EDNRB: variants seen among roughly 807,000 people sequenced by gnomAD.
EDNRB encodes the protein Hirschsprung disease 2.
Under a neutral mutation model 46.4 loss-of-function variants are expected in EDNRB, and 18 were observed. That is an observed-to-expected ratio of 0.39 (90% CI 0.27 to 0.57). EDNRB has a LOEUF of 0.57. EDNRB is among the 20% of genes least tolerant of loss of function. The probability of loss-of-function intolerance (pLI) is 0.61; values close to 1 mark genes in which losing one functional copy is unlikely to be tolerated. For missense variants in EDNRB, 434 were observed against 537.5 expected, an observed-to-expected ratio of 0.81 and a Z score of 1.90; for synonymous variants, 213 against 204.9, an observed-to-expected ratio of 1.04 and a Z score of -0.34.
intron 1 of EDNRB, among the ~76,000 whole-genome samples, chr13:77,953,473 A>G (rs1179917836): frequency 6.6e-6 from 1 of 152,134 alleles, no homozygotes; most frequent in Admixed American, 6.6e-5. Flanking sequence ...ATTGGAATGC[A>G]TGAAGAGAGA....
chr13:77,924,455 A>C (rs565031991), upstream of EDNRB, among the ~76,000 whole-genome samples: 95 of 152,336 alleles, frequency 6.2e-4, 2 homozygotes, highest in African/African-American at 2.2e-3. Flanking sequence ...AACAGGTGCC[A>C]AGTACCCTGC....
intron 1 of EDNRB, among the ~76,000 whole-genome samples, chr13:77,904,518 C>T (rs1212304073): frequency 1.3e-5 from 2 of 151,826 alleles, no homozygotes; most frequent in Admixed American, 1.3e-4. Context: ...TTCATAGACT[C>T]TAAAATATAA....
At chr13:77,972,569 C>A (rs892829101) in intron 1 of EDNRB, among the ~76,000 whole-genome samples, 1 of 152,110 alleles carries the variant, frequency 6.6e-6, no homozygotes, top group Non-Finnish European at 1.5e-5. Flanking sequence ...ATCGAAATCT[C>A]CCCCGATTAA....
chr13:77,926,348 G>T (rs1880237351), intron 1 of EDNRB, among the ~76,000 whole-genome samples: 1 of 152,280 alleles, frequency 6.6e-6, no homozygotes, highest in Non-Finnish European at 1.5e-5. Context: ...AAAATGGAAT[G>T]CTTTTAACAG....
chr13:77,948,953 A>G (rs1172963705), intron 1 of EDNRB, among the ~76,000 whole-genome samples: 1 of 152,224 alleles, frequency 6.6e-6, no homozygotes, highest in African/African-American at 2.4e-5. Flanking sequence ...TCACACATTT[A>G]TTTGGAAAAC....
intron 1 of EDNRB, among the ~76,000 whole-genome samples, chr13:77,948,010 G>A (rs1880981211): frequency 6.6e-6 from 1 of 152,104 alleles, no homozygotes; most frequent in East Asian, 1.9e-4. Flanking sequence ...TAATTATTGT[G>A]AGAAAATAGT....
At position 77,899,947 on chromosome 13, in the gene EDNRB, T is replaced by A. The variant is rs202171748; in HGVS notation, c.1106A>T (p.Tyr369Phe). 38 of 1,611,724 alleles carry A rather than the reference T, an allele frequency of 2.4e-5. No homozygotes were observed. The highest frequency in any genetic ancestry group is 3.1e-5 in the Non-Finnish European group (36 of 1,178,668). ...CAGTGAAGCCATGTTGATACCAATA[T>A]AGTCCAATACCAACAGAAAGCTGCA... Reference protein sequence around the residue: ...ELLSFLLVLDYIGINMASLNS... With the variant: ...ELLSFLLVLDFIGINMASLNS... Residue 369 changes from tyrosine (Y) to phenylalanine (F), a missense_variant, in exon 6 of 7, where the codon TAT becomes TTT. By Grantham distance (22) the Tyr-to-Phe change is conservative. Coordinates refer to ENST00000646607, the MANE Select transcript of EDNRB (RefSeq NM_001122659.3).
At chr13:77,949,475 T>C (rs895574964) in intron 1 of EDNRB, among the ~76,000 whole-genome samples, 3 of 152,216 alleles carry the variant, frequency 2.0e-5, no homozygotes, top group African/African-American at 7.2e-5. Flanking sequence ...CATCACAGTC[T>C]GTAGCCTCTA....
chr13:77,908,541 T>C (rs769192879), intron 1 of EDNRB, among the ~76,000 whole-genome samples: 1 of 151,990 alleles, frequency 6.6e-6, no homozygotes, highest in Non-Finnish European at 1.5e-5. Context: ...CATCATTCTT[T>C]GGGAAAAATA....
chr13:77,918,868 G>C (rs939303941), upstream of EDNRB: 8 of 1,265,506 alleles, frequency 6.3e-6, no homozygotes, highest in African/African-American at 1.2e-4. This position sits in a 1 kb window ranked among gnomAD's most constrained non-coding sequence, Gnocchi z 4.5. Context: ...AATATGCAGT[G>C]GGGCGGGGCG....
At chr13:77,921,218 G>T (rs1713214289), upstream of EDNRB, among the ~76,000 whole-genome samples, 1 of 152,142 alleles carries the variant, frequency 6.6e-6, no homozygotes, top group Non-Finnish European at 1.5e-5. Flanking sequence ...ATGAGCTTAA[G>T]AAATATTTTT....
upstream of EDNRB, chr13:77,918,914 G>A: frequency 8.2e-7 from 1 of 1,214,294 alleles, no homozygotes; most frequent in Non-Finnish European, 1.0e-6. This position sits in a 1 kb window ranked among gnomAD's most constrained non-coding sequence, Gnocchi z 4.5. Flanking sequence ...GAATGATGGG[G>A]GTCCCAGGCA....
intron 1 of EDNRB, among the ~76,000 whole-genome samples, chr13:77,907,452 G>A (rs1245395031): frequency 6.6e-6 from 1 of 151,864 alleles, no homozygotes; most frequent in Non-Finnish European, 1.5e-5. Context: ...CCAATTATGG[G>A]ACTTCTTAGC....
intron 1 of EDNRB, among the ~76,000 whole-genome samples, chr13:77,916,967 T>C (rs565609419): frequency 6.6e-6 from 1 of 152,152 alleles, no homozygotes; most frequent in South Asian, 2.1e-4. Flanking sequence ...GGCAGCCTTA[T>C]TGTGGAATTG....
chr13:77,946,170 C>T (rs1333308671), intron 1 of EDNRB, among the ~76,000 whole-genome samples: 1 of 152,066 alleles, frequency 6.6e-6, no homozygotes. Flanking sequence ...AGATAAATTG[C>T]ACACCTGTTT....
chr13:77,897,000 G>T lies in EDNRB; in HGVS notation c.*1200C>A. The T allele has an allele frequency of 1.0e-6, 1 of 990,530 alleles. No homozygotes were observed. Among genetic ancestry groups the T allele is most frequent in the Non-Finnish European group, 1.2e-6 (1 of 833,564 alleles). The allele number at this position is 990,530 out of a possible 1,614,324, so 61.4% of individuals were successfully genotyped here. ...AAAATAATACAAAAATTAGTAATAAGCTTTACAGGTAGCTGTTAAATGTAC... is the reference window on the plus strand; with the variant it reads ...AAAATAATACAAAAATTAGTAATAATCTTTACAGGTAGCTGTTAAATGTAC... On this transcript the variant is annotated 3_prime_UTR_variant, in exon 7 of 7. Coordinates refer to ENST00000646607, the MANE Select transcript of EDNRB (RefSeq NM_001122659.3).
In EDNRB at chr13:77,938,430, G is replaced by T. The variant is rs957642122; in HGVS notation, c.-51-19806C>A. The stretch of plus-strand genomic sequence containing the variant: ...GGTAGAGACACAGAAAGAAGGGGTT[G>T]GGGGGTTCTTGTCCCCTAGAAAAGT... On this transcript the variant is annotated intron_variant, in intron 1 of 7. Coordinates refer to the EDNRB transcript ENST00000646948. Among the ~76,000 whole-genome samples the T allele has an allele frequency of 7.2e-5, 11 of 151,866 alleles. No individual in the cohort carries two copies. The East Asian group carries it at 2.1e-3, about 30-fold the overall frequency.
At chr13:77,974,181 C>A (rs1417063895) in intron 1 of EDNRB, among the ~76,000 whole-genome samples, 1 of 150,716 alleles carries the variant, frequency 6.6e-6, no homozygotes, top group African/African-American at 2.4e-5. Flanking sequence ...CTTTTTTTTT[C>A]CTAACAGAAT....
At chr13:77,973,661 T>C (rs1327099580) in intron 1 of EDNRB, among the ~76,000 whole-genome samples, 2 of 152,110 alleles carry the variant, frequency 1.3e-5, no homozygotes, top group Admixed American at 6.5e-5. Flanking sequence ...CTATTAAAAG[T>C]ATATTTTACT....
Sources: gnomAD v4.1 joint callset for allele counts (sites outside exome capture counted in the v4.1 genomes callset) on GRCh38, gnomAD v4.1.1 for gene constraint, Gnocchi (gnomAD v3.1) non-coding constraint, MANE v1.5 for transcripts, NCBI Gene and HGNC (gene_info 2026-07-23, HGNC 2026-07-21) for gene names.